ARHGEF6: variants seen among roughly 807,000 people sequenced by gnomAD.
ARHGEF6 encodes Rac/Cdc42 guanine nucleotide exchange factor 6.
Under a neutral mutation model 70.3 loss-of-function variants are expected in ARHGEF6, and 9 were observed. The observed-to-expected ratio is 0.13, with a 90% CI of 0.08 to 0.22. The LOEUF (loss-of-function observed/expected upper bound fraction) is 0.22, where lower values mean the gene tolerates loss of function less well. ARHGEF6 is among the 10% of genes least tolerant of loss of function. ARHGEF6 has a pLI of 1.00. For missense variants in ARHGEF6, 470 were observed against 563.0 expected, an observed-to-expected ratio of 0.83 and a Z score of 1.67; for synonymous variants, 201 against 207.8, an observed-to-expected ratio of 0.97 and a Z score of 0.28.
intron 12 of ARHGEF6, among the ~76,000 whole-genome samples, chrX:136,685,296 T>G (rs921962630): frequency 3.6e-5 from 4 of 111,813 alleles, no homozygotes; most frequent in Non-Finnish European, 7.5e-5. Flanking sequence ...AATCGAACAT[T>G]GACTATTTGG....
intron 6 of ARHGEF6, among the ~76,000 whole-genome samples, chrX:136,725,605 G>A (rs1344906684): frequency 9.0e-6 from 1 of 111,670 alleles, no homozygotes; most frequent in Non-Finnish European, 1.9e-5. Flanking sequence ...GACAGAGAAG[G>A]CTATGTGCTC....
At chrX:136,707,567 A>G (rs1202922211) in intron 8 of ARHGEF6, among the ~76,000 whole-genome samples, 1 of 112,117 alleles carries the variant, frequency 8.9e-6, no homozygotes, top group African/African-American at 3.2e-5. Context: ...GGAGATACTG[A>G]CTCTAAAAAT....
intron 2 of ARHGEF6, among the ~76,000 whole-genome samples, chrX:136,751,665 G>T (rs781651394): frequency 9.0e-6 from 1 of 111,000 alleles, no homozygotes. Context: ...GCCCCAGAGA[G>T]CTACCTTGTC....
intron 6 of ARHGEF6, among the ~76,000 whole-genome samples, chrX:136,726,387 G>A (rs1290244821): frequency 9.0e-6 from 1 of 111,630 alleles, no homozygotes; most frequent in Non-Finnish European, 1.9e-5. Context: ...GTATGGAGGA[G>A]TAAGATGGGA....
intron 5 of ARHGEF6, among the ~76,000 whole-genome samples, chrX:136,735,401 C>T (rs1818081651): frequency 9.0e-6 from 1 of 110,742 alleles, no homozygotes; most frequent in Admixed American, 9.7e-5. Flanking sequence ...TCTTTGAAAC[C>T]CACACTCAGC....
chrX:136,771,547 A>G (rs2077363424), intron 2 of ARHGEF6, among the ~76,000 whole-genome samples: 1 of 112,393 alleles, frequency 8.9e-6, no homozygotes, highest in Admixed American at 9.5e-5. Flanking sequence ...ATGAATTTGG[A>G]CCCGTACCTC....
intron 9 of ARHGEF6, among the ~76,000 whole-genome samples, chrX:136,697,272 A>T (rs978856983): frequency 4.5e-5 from 5 of 111,962 alleles, no homozygotes; most frequent in African/African-American, 1.6e-4. Flanking sequence ...AGATTTTGGT[A>T]GTAAGCCAAT....
chrX:136,727,531 CTCTT>C (rs1377734941), intron 6 of ARHGEF6, among the ~76,000 whole-genome samples: 36 of 88,708 alleles, frequency 4.1e-4, no homozygotes, highest in Middle Eastern at 5.4e-3. Flanking sequence ...CTCTCTCTCT[CTCTT>C]TCTTTCTTTC....
chrX:136,775,988 G>A (rs2077401471), intron 2 of ARHGEF6, among the ~76,000 whole-genome samples: 1 of 111,507 alleles, frequency 9.0e-6, no homozygotes, highest in Non-Finnish European at 1.9e-5. Context: ...AACCCAGGAG[G>A]TGAAAGATCT....
chrX:136,716,404 G>C lies in ARHGEF6; in HGVS notation c.733-3034C>G, dbSNP rs370803950. Among the ~76,000 whole-genome samples the C allele has an allele frequency of 9.9e-5, 11 of 111,579 alleles. No homozygotes were observed. In the South Asian group the frequency reaches 3.0e-3, roughly 31 times the overall value. On this transcript the variant is annotated intron_variant, in intron 6 of 21. Transcript: ENST00000250617. ...CCTAAGCGGGAGAACTAGGAAGCACGGGTGAAGTTCACAGTCCAGGGACAC... is the reference window on the plus strand; with the variant it reads ...CCTAAGCGGGAGAACTAGGAAGCACCGGTGAAGTTCACAGTCCAGGGACAC...
chrX:136,707,903 G>T (rs1329785182), intron 8 of ARHGEF6, among the ~76,000 whole-genome samples: 1 of 111,895 alleles, frequency 8.9e-6, no homozygotes, highest in African/African-American at 3.2e-5. Context: ...GATCATTATA[G>T]TTCACTGTAG....
chrX:136,727,839 T>C (rs1445526672), intron 6 of ARHGEF6, among the ~76,000 whole-genome samples: 2 of 111,198 alleles, frequency 1.8e-5, no homozygotes, highest in African/African-American at 3.3e-5. Context: ...CGTATGTCTG[T>C]AGTTTTAACA....
At chrX:136,762,992 C>T (rs942540157) in intron 2 of ARHGEF6, among the ~76,000 whole-genome samples, 5 of 111,934 alleles carry the variant, frequency 4.5e-5, no homozygotes, top group African/African-American at 1.6e-4. Context: ...CATATTCTAG[C>T]GACTAGACCA....
intron 6 of ARHGEF6, among the ~76,000 whole-genome samples, chrX:136,721,436 C>A (rs761729333): frequency 9.1e-6 from 1 of 110,384 alleles, no homozygotes; most frequent in South Asian, 3.9e-4. Context: ...GGTGGTGCAC[C>A]CCTGTAGCCC....
chrX:136,772,792 G>A (rs2077372964), intron 2 of ARHGEF6, among the ~76,000 whole-genome samples: 1 of 111,930 alleles, frequency 8.9e-6, no homozygotes, highest in Non-Finnish European at 1.9e-5. Context: ...GAACCCAAGA[G>A]GCCAAAGTTG....
At chrX:136,688,962 C>A (rs1288637125) in intron 10 of ARHGEF6, among the ~76,000 whole-genome samples, 2 of 110,896 alleles carry the variant, frequency 1.8e-5, no homozygotes, top group Non-Finnish European at 3.8e-5. Context: ...AACATTGGGG[C>A]ATAGGGGATA....
intron 2 of ARHGEF6, among the ~76,000 whole-genome samples, chrX:136,777,747 A>G (rs981206776): frequency 1.4e-5 from 1 of 71,344 alleles, no homozygotes; most frequent in Admixed American, 1.3e-4. Flanking sequence ...ATACATATAT[A>G]TAATATGTAT....
intron 5 of ARHGEF6, among the ~76,000 whole-genome samples, chrX:136,741,510 C>T (rs1016482221): frequency 9.2e-6 from 1 of 108,149 alleles, no homozygotes; most frequent in African/African-American, 3.4e-5. Flanking sequence ...AAAAGTTATA[C>T]ATGGATTTTC....
intron 5 of ARHGEF6, among the ~76,000 whole-genome samples, chrX:136,733,659 A>G (rs1265357987): frequency 8.9e-6 from 1 of 112,331 alleles, no homozygotes; most frequent in Non-Finnish European, 1.9e-5. Context: ...TTCATACTTA[A>G]TAGCTTTTAA....
Sources: gnomAD v4.1 joint callset for allele counts (sites outside exome capture counted in the v4.1 genomes callset) on GRCh38, gnomAD v4.1.1 for gene constraint, MANE v1.5 for transcripts, NCBI Gene and HGNC (gene_info 2026-07-23, HGNC 2026-07-21) for gene names.